GRM7: variants seen among roughly 807,000 people sequenced by gnomAD.
The protein encoded by GRM7 is metabotropic glutamate receptor 7.
A neutral mutation model predicts 84.5 loss-of-function variants in GRM7; 35 were observed. The observed-to-expected ratio is 0.41, with a 90% CI of 0.32 to 0.55. GRM7 has a LOEUF of 0.55. Ranked by LOEUF, GRM7 falls within the 20% of genes least tolerant of loss-of-function variation. The probability of loss-of-function intolerance (pLI) is 0.19; values close to 1 mark genes in which losing one functional copy is unlikely to be tolerated. For synonymous variants in GRM7, 487 were observed against 455.1 expected (o/e 1.07, Z -0.89); for missense variants, 1,003 against 1,194.6 (o/e 0.84, Z 2.36).
intron 1 of GRM7, among the ~76,000 whole-genome samples, chr3:6,905,696 T>A (rs1373725911): frequency 2.6e-5 from 4 of 152,172 alleles, no homozygotes; most frequent in African/African-American, 9.6e-5. Context: ...TTTAAAAATA[T>A]TAGCATGGTA....
chr3:7,124,934 G>A (rs1264628223), intron 1 of GRM7, among the ~76,000 whole-genome samples: 3 of 151,970 alleles, frequency 2.0e-5, no homozygotes, highest in African/African-American at 7.2e-5. Flanking sequence ...GCTAGTCTAA[G>A]ATTAATAGTT....
intron 2 of GRM7, among the ~76,000 whole-genome samples, chr3:7,194,713 C>G (rs1415912438): frequency 1.3e-5 from 2 of 152,134 alleles, no homozygotes; most frequent in Non-Finnish European, 2.9e-5. Flanking sequence ...CTTGATGACT[C>G]AATGTCTTAA....
chr3:7,014,482 C>T (rs1020880955), intron 1 of GRM7, among the ~76,000 whole-genome samples: 1 of 152,004 alleles, frequency 6.6e-6, no homozygotes, highest in Non-Finnish European at 1.5e-5. Flanking sequence ...GCTGGGATTA[C>T]AGAGGTGCAC....
At chr3:7,028,990 T>C (rs1030256731) in intron 1 of GRM7, among the ~76,000 whole-genome samples, 5 of 152,124 alleles carry the variant, frequency 3.3e-5, no homozygotes, top group African/African-American at 1.2e-4. Flanking sequence ...TTGGTTCCTA[T>C]AAAAGTAAAC....
chr3:6,932,380 G>A (rs1005383836), intron 1 of GRM7, among the ~76,000 whole-genome samples: 8 of 152,090 alleles, frequency 5.3e-5, no homozygotes, highest in African/African-American at 1.7e-4. Context: ...CATTTGCAAA[G>A]GTCAGTGGGG....
At chr3:7,351,847 G>A (rs1261043443) in intron 4 of GRM7, among the ~76,000 whole-genome samples, 1 of 151,906 alleles carries the variant, frequency 6.6e-6, no homozygotes, top group Admixed American at 6.6e-5. Context: ...CAGACTGAGG[G>A]CTGAGTTCCT....
chr3:7,064,326 C>T (rs1398002635), intron 1 of GRM7, among the ~76,000 whole-genome samples: 1 of 150,568 alleles, frequency 6.6e-6, no homozygotes, highest in Non-Finnish European at 1.5e-5. Flanking sequence ...TCAGTGAGAA[C>T]ATATGACATT....
intron 4 of GRM7, among the ~76,000 whole-genome samples, chr3:7,412,841 T>C (rs1018459196): frequency 2.6e-5 from 4 of 152,168 alleles, no homozygotes; most frequent in Non-Finnish European, 1.5e-5. Context: ...TGATTCTGTT[T>C]CCAGCGAACC....
At chr3:7,731,039 T>A (rs1174321426) in intron 9 of GRM7, among the ~76,000 whole-genome samples, 1 of 152,138 alleles carries the variant, frequency 6.6e-6, no homozygotes, top group Non-Finnish European at 1.5e-5. Flanking sequence ...CGTAAACCTC[T>A]GTTTGATGCT....
At chr3:7,362,704 C>G (rs1256211078) in intron 4 of GRM7, among the ~76,000 whole-genome samples, 4 of 151,976 alleles carry the variant, frequency 2.6e-5, no homozygotes, top group Admixed American at 2.6e-4. Context: ...GCATAATAAC[C>G]TTAGACTTAT....
chr3:7,340,913 G>A (rs79392116), intron 4 of GRM7, among the ~76,000 whole-genome samples: 5 of 152,250 alleles, frequency 3.3e-5, no homozygotes, highest in Non-Finnish European at 7.4e-5. Flanking sequence ...AGAACTGGTA[G>A]TGAGGGCTGG....
At chr3:7,016,326 T>C (rs904957734) in intron 1 of GRM7, among the ~76,000 whole-genome samples, 5 of 152,186 alleles carry the variant, frequency 3.3e-5, no homozygotes, top group Non-Finnish European at 5.9e-5. Context: ...GTGTTTTACT[T>C]GGGTGAAGTC....
intron 1 of GRM7, among the ~76,000 whole-genome samples, chr3:7,103,816 T>TTCTCTCTCTG (rs1699203409): frequency 1.1e-5 from 1 of 89,058 alleles, no homozygotes; most frequent in African/African-American, 4.8e-5. Flanking sequence ...CTTTCTTTCT[T>TTCTCTCTCTG]TCTCTCTCTC....
At chr3:7,150,240 A>G (rs1486158218) in intron 2 of GRM7, among the ~76,000 whole-genome samples, 1 of 152,026 alleles carries the variant, frequency 6.6e-6, no homozygotes, top group Non-Finnish European at 1.5e-5. Flanking sequence ...AAATGGCCTC[A>G]CCCTTTTAAA....
At chr3:6,978,136 T>C (rs1186258520) in intron 1 of GRM7, among the ~76,000 whole-genome samples, 1 of 152,088 alleles carries the variant, frequency 6.6e-6, no homozygotes, top group Admixed American at 6.6e-5. Context: ...CTAAATCCAA[T>C]GATGAGTGTA....
intron 2 of GRM7, among the ~76,000 whole-genome samples, chr3:7,226,705 T>G (rs1696994337): frequency 6.6e-6 from 1 of 152,182 alleles, no homozygotes; most frequent in African/African-American, 2.4e-5. Context: ...TTTTTGAAAT[T>G]GAATAAATCA....
intron 4 of GRM7, among the ~76,000 whole-genome samples, chr3:7,348,932 A>T (rs908967649): frequency 6.6e-6 from 1 of 152,152 alleles, no homozygotes; most frequent in African/African-American, 2.4e-5. Flanking sequence ...ATTGATCAAG[A>T]GGGATGTACA....
chr3:6,956,567 G>GGA, intron 1 of GRM7: 1 of 456,538 alleles, frequency 2.2e-6, no homozygotes, highest in Non-Finnish European at 4.4e-6. Context: ...GTTCTCCTAG[G>GGA]GAGATGCCCT....
At chr3:6,884,057 A>G (rs571255454) in intron 1 of GRM7, among the ~76,000 whole-genome samples, 7 of 152,366 alleles carry the variant, frequency 4.6e-5, no homozygotes, top group African/African-American at 1.7e-4. Context: ...GTCCTCTAAA[A>G]TTCCAACATG....
Sources: allele counts gnomAD v4.1 joint callset (sites outside exome capture counted in the v4.1 genomes callset), GRCh38; gene constraint gnomAD v4.1.1; transcripts MANE v1.5; gene names NCBI Gene and HGNC (gene_info 2026-07-23, HGNC 2026-07-21).